MYOF: variants seen among roughly 807,000 people sequenced by gnomAD.
The protein encoded by MYOF is myoferlin.
A neutral mutation model predicts 284.2 loss-of-function variants in MYOF; 244 were observed. That is an observed-to-expected ratio of 0.86 (90% CI 0.77 to 0.95). MYOF has a LOEUF of 0.95. Among genes scored for constraint, MYOF ranks in the 40% least tolerant of loss-of-function variants. The probability of loss-of-function intolerance (pLI) is 0.00; values close to 1 mark genes in which losing one functional copy is unlikely to be tolerated. For missense variants in MYOF, 2,496 were observed against 2,560.6 expected, an observed-to-expected ratio of 0.97 and a Z score of 0.54; for synonymous variants, 904 against 919.7, an observed-to-expected ratio of 0.98 and a Z score of 0.31.
intron 1 of MYOF, among the ~76,000 whole-genome samples, chr10:93,462,397 A>G (rs1431404508): frequency 6.6e-6 from 1 of 152,066 alleles, no homozygotes; most frequent in African/African-American, 2.4e-5. Flanking sequence ...GCATCATTTC[A>G]TTGAATCCTC....
intron 23 of MYOF, among the ~76,000 whole-genome samples, chr10:93,373,659 A>G (rs942032712): frequency 1.3e-5 from 2 of 152,184 alleles, no homozygotes; most frequent in Non-Finnish European, 2.9e-5. Context: ...AAAGTAGAAA[A>G]TGAAATTACC....
At chr10:93,399,553 A>G (rs1847177952) in intron 12 of MYOF, 58 bp from the exon 13 acceptor site, 1 of 1,277,412 alleles carries the variant, frequency 7.8e-7, no homozygotes, top group Admixed American at 2.0e-5. Flanking sequence ...ATTTGGCAAA[A>G]TTTTAAAAGT....
At chr10:93,438,382 G>A (rs556685899) in intron 3 of MYOF, among the ~76,000 whole-genome samples, 1 of 152,236 alleles carries the variant, frequency 6.6e-6, no homozygotes, top group Non-Finnish European at 1.5e-5. Flanking sequence ...CACGCCCATG[G>A]CAGCAGCTCG....
chr10:93,409,834 T>C, intron 5 of MYOF, 95 bp from the exon 6 acceptor site: 2 of 1,454,478 alleles, frequency 1.4e-6, no homozygotes, highest in Non-Finnish European at 1.9e-6. Context: ...TCTGCCATTA[T>C]GTTTTAAGTG....
chr10:93,397,449 G>C lies in MYOF; in HGVS notation c.1229C>G (p.Thr410Arg). ...GTTTGCATTTTTCTCAATTATGTTT[G>C]TACAAACCTGTAAAATCACCAAAGC... ...EVSFAGKKVC[T>R]NIIEKNANPE... Residue 410 changes from threonine to arginine, a missense_variant, in exon 14 of 54, where the codon ACA becomes AGA. Transcript: ENST00000359263. 1 of 1,604,978 alleles carries C rather than the reference G, an allele frequency of 6.2e-7. No homozygotes were observed. The highest frequency in any genetic ancestry group is 1.1e-5 in the South Asian group (1 of 88,300).
intron 19 of MYOF, 130 bp downstream of exon 19, chr10:93,387,667 G>T: frequency 1.4e-6 from 1 of 730,518 alleles, no homozygotes; most frequent in Non-Finnish European, 2.5e-6. Flanking sequence ...ATCCTCATAG[G>T]GCTGTTGTAG....
chr10:93,358,935 G>C (rs948521824), intron 29 of MYOF, among the ~76,000 whole-genome samples: 5 of 151,406 alleles, frequency 3.3e-5, no homozygotes, highest in African/African-American at 1.2e-4. Flanking sequence ...CATGTATCTC[G>C]GAACTTAAAT....
At chr10:93,454,329 T>C (rs905657653) in intron 2 of MYOF, among the ~76,000 whole-genome samples, 1 of 152,006 alleles carries the variant, frequency 6.6e-6, no homozygotes, top group Admixed American at 6.6e-5. Flanking sequence ...AAAAAAAACA[T>C]GTTGGAAACA....
intron 4 of MYOF, among the ~76,000 whole-genome samples, chr10:93,431,024 CTTT>C (rs113713765): frequency 8.5e-6 from 1 of 117,850 alleles, no homozygotes; most frequent in Non-Finnish European, 1.8e-5. Context: ...TTTTTCTTTT[CTTT>C]TTTTTTTTTT....
intron 5 of MYOF, among the ~76,000 whole-genome samples, chr10:93,415,071 T>C: frequency 6.6e-6 from 1 of 152,058 alleles, no homozygotes; most frequent in East Asian, 1.9e-4. Flanking sequence ...ATCTTTCCAA[T>C]TTGCTTCCTC....
intron 28 of MYOF, among the ~76,000 whole-genome samples, chr10:93,361,010 C>T (rs73317587): frequency 0.015 from 2,266 of 152,270 alleles, 57 homozygotes; most frequent in African/African-American, 0.048. Context: ...TAGTCACAGA[C>T]GGTACCACAT....
chr10:93,427,835 A>G (rs1025830567), intron 4 of MYOF, among the ~76,000 whole-genome samples: 1 of 150,082 alleles, frequency 6.7e-6, no homozygotes, highest in Non-Finnish European at 1.5e-5. Context: ...TCTCACATGG[A>G]GCATTATTTT....
intron 29 of MYOF, among the ~76,000 whole-genome samples, 163 bp from the exon 30 acceptor site, chr10:93,357,011 C>T (rs1380583303): frequency 6.6e-6 from 1 of 152,178 alleles, no homozygotes. Flanking sequence ...AAAAAACAGA[C>T]AGGACCTCTG....
chr10:93,395,189 A>G (rs1846941449), intron 16 of MYOF, among the ~76,000 whole-genome samples: 1 of 152,188 alleles, frequency 6.6e-6, no homozygotes, highest in Admixed American at 6.5e-5. Context: ...TCACGCCTGT[A>G]ATCCCAGCAC....
rs916555324 is a variant in MYOF at position 93,370,314 on chromosome 10, A to ATTTTTTTTTTTTTT, written c.2458-552_2458-539dup. Among the ~76,000 whole-genome samples the ATTTTTTTTTTTTTT allele has an allele frequency of 4.1e-3, 503 of 122,348 alleles. 40 individuals carry two copies. The highest frequency in any genetic ancestry group is 0.017 in the African/African-American group (477 of 28,200). The allele number at this position is 122,348 out of a possible 152,430, so 80.3% of individuals were successfully genotyped here. On this transcript the variant is annotated intron_variant, in intron 24 of 53. Coordinates refer to ENST00000359263, the MANE Select transcript of MYOF (RefSeq NM_013451.4). Reference sequence around the variant, plus strand: ...GTTGATCAAGCAGTAATGATTACTAATTTTTTTTTTTTTTTTTTTTTGAGA... The same window carrying ATTTTTTTTTTTTTT: ...GTTGATCAAGCAGTAATGATTACTAATTTTTTTTTTTTTTTTTTTTTTTTTTTTTTTTTTTGAGA...
chr10:93,386,608 T>A (rs1456983180), intron 19 of MYOF, among the ~76,000 whole-genome samples: 1 of 151,956 alleles, frequency 6.6e-6, no homozygotes, highest in African/African-American at 2.4e-5. Context: ...GAGACAGGAA[T>A]GAAATTGGTG....
chr10:93,364,149 G>A, intron 26 of MYOF, 74 bp from the exon 27 acceptor site: 1 of 1,267,800 alleles, frequency 7.9e-7, no homozygotes, highest in Non-Finnish European at 1.1e-6. Flanking sequence ...CCAACACTCA[G>A]GAAGCATCTA....
intron 1 of MYOF, 100 bp from the exon 2 acceptor site, chr10:93,457,037 GCACC>G (rs921728353): frequency 2.2e-5 from 17 of 789,920 alleles, no homozygotes; most frequent in Admixed American, 9.7e-5. Flanking sequence ...GGGTCTACTT[GCACC>G]CACATCTCCC....
chr10:93,315,301 T>A (rs1019511692), intron 50 of MYOF, among the ~76,000 whole-genome samples: 2 of 152,044 alleles, frequency 1.3e-5, no homozygotes, highest in African/African-American at 4.8e-5. Flanking sequence ...TACTGTAACA[T>A]GTGGCTAGCA....
Sources: gnomAD v4.1 joint callset for allele counts (sites outside exome capture counted in the v4.1 genomes callset) on GRCh38, gnomAD v4.1.1 for gene constraint, MANE v1.5 for transcripts, NCBI Gene and HGNC (gene_info 2026-07-23, HGNC 2026-07-21) for gene names.